The following ATG5 variants were observed in gnomAD, a reference collection of about 807,000 sequenced individuals.
ATG5 encodes autophagy related 5, also known as autophagy protein 5.
Under a neutral mutation model 36.5 loss-of-function variants are expected in ATG5, and 14 were observed. The ratio of observed to expected loss-of-function variants is 0.38; its 90% confidence interval spans 0.25 to 0.60. The LOEUF (loss-of-function observed/expected upper bound fraction) is 0.60. Ranked by LOEUF, ATG5 falls within the 20% of genes least tolerant of loss-of-function variation. The probability of loss-of-function intolerance (pLI) is 0.60; values close to 1 mark genes in which losing one functional copy is unlikely to be tolerated. For synonymous variants in ATG5, 95 were observed against 101.5 expected (o/e 0.94, Z 0.38); for missense variants, 195 against 326.7 (o/e 0.60, Z 3.11).
chr6:106,201,647 T>G (rs1562207623), intron 7 of ATG5: 1 of 159,478 alleles, frequency 6.3e-6, no homozygotes, highest in Non-Finnish European at 1.4e-5. Flanking sequence ...ATTTCTGACT[T>G]CTTTAAAGTT....
At chr6:106,282,027 G>C (rs1459072859) in intron 4 of ATG5, among the ~76,000 whole-genome samples, 1 of 152,196 alleles carries the variant, frequency 6.6e-6, no homozygotes, top group African/African-American at 2.4e-5. Flanking sequence ...AACAAGTTGA[G>C]TATAATGTGA....
At chr6:106,292,471 G>C (rs1483733636) in intron 4 of ATG5, among the ~76,000 whole-genome samples, 1 of 152,014 alleles carries the variant, frequency 6.6e-6, no homozygotes, top group Admixed American at 6.6e-5. Flanking sequence ...TCAAAACAGA[G>C]GTAGATCAAA....
At chr6:106,204,931 T>C (rs1346028305) in intron 6 of ATG5, among the ~76,000 whole-genome samples, 1 of 152,156 alleles carries the variant, frequency 6.6e-6, no homozygotes, top group Non-Finnish European at 1.5e-5. Flanking sequence ...TCATGCATAA[T>C]CAAGTGATTA....
Position 106,264,971 on chromosome 6 carries a change from G to A in ATG5, c.478+14690C>T, listed in dbSNP as rs529243171. Among the ~76,000 whole-genome samples, 4 of 152,132 alleles carry A rather than the reference G, an allele frequency of 2.6e-5. No individual in the cohort carries two copies. The East Asian group carries it at 7.7e-4, about 29-fold the overall frequency. The stretch of plus-strand genomic sequence containing the variant: ...AAACCAGCTAGTATCATGATGGCAG[G>A]ATCAAATTCACACATAACAATATTA... On this transcript the variant is annotated intron_variant, in intron 5 of 7. Coordinates refer to ENST00000369076, the MANE Select transcript of ATG5 (RefSeq NM_004849.4).
rs369075106 is a variant in ATG5 at position 106,298,476 on chromosome 6, G to A, written c.237-5370C>T. Among the ~76,000 whole-genome samples, 26 of 152,046 alleles carry A rather than the reference G, an allele frequency of 1.7e-4. No individual in the cohort carries two copies. In the East Asian group the frequency reaches 2.3e-3, roughly 14 times the overall value. On this transcript the variant is annotated intron_variant, in intron 3 of 7. Transcript: ENST00000369076. Reference sequence around the variant, plus strand: ...TGAAGTGGGAGAATTGCTTGAACCCGGGAGGCGGAGGTTGCAGTGAGCCAA... The same window carrying A: ...TGAAGTGGGAGAATTGCTTGAACCCAGGAGGCGGAGGTTGCAGTGAGCCAA...
chr6:106,255,973 G>A (rs568589075), intron 5 of ATG5, among the ~76,000 whole-genome samples: 10 of 152,148 alleles, frequency 6.6e-5, no homozygotes, highest in African/African-American at 1.9e-4. Context: ...TCTCTTGGCC[G>A]AAATTAGTTT....
intron 5 of ATG5, among the ~76,000 whole-genome samples, chr6:106,276,587 C>A (rs866938695): frequency 1.7e-4 from 26 of 152,154 alleles, no homozygotes; most frequent in Middle Eastern, 3.4e-3. Context: ...TCCTCCATAC[C>A]CAATCTTCCA....
intron 5 of ATG5, among the ~76,000 whole-genome samples, chr6:106,262,573 G>A (rs2114554943): frequency 6.6e-6 from 1 of 152,266 alleles, no homozygotes; most frequent in East Asian, 1.9e-4. Flanking sequence ...TAAGATGGCT[G>A]AATAGGAAAA....
At chr6:106,217,015 G>A (rs1356021111) in intron 6 of ATG5, among the ~76,000 whole-genome samples, 2 of 151,678 alleles carry the variant, frequency 1.3e-5, no homozygotes, top group Non-Finnish European at 2.9e-5. Context: ...TGGGATGATG[G>A]CTAACTTCAT....
chr6:106,245,443 A>C (rs146497953), intron 6 of ATG5, among the ~76,000 whole-genome samples: 28 of 152,326 alleles, frequency 1.8e-4, no homozygotes, highest in African/African-American at 6.7e-4. Flanking sequence ...GTTTGCTCAT[A>C]AATCAGGCCT....
chr6:106,259,380 A>T (rs557344515), intron 5 of ATG5, among the ~76,000 whole-genome samples: 1 of 152,352 alleles, frequency 6.6e-6, no homozygotes, highest in Non-Finnish European at 1.5e-5. Flanking sequence ...AAATAAGAAT[A>T]AAGTTATTAA....
At chr6:106,210,908 A>G (rs1214706524) in intron 6 of ATG5, among the ~76,000 whole-genome samples, 1 of 152,220 alleles carries the variant, frequency 6.6e-6, no homozygotes, top group Non-Finnish European at 1.5e-5. Context: ...GACTCTCAAC[A>G]GAACTCTACT....
intron 3 of ATG5, among the ~76,000 whole-genome samples, chr6:106,296,532 T>C (rs1036293926): frequency 5.9e-5 from 9 of 152,176 alleles, no homozygotes; most frequent in Non-Finnish European, 1.3e-4. Flanking sequence ...AAAATAAGCA[T>C]GCAGGCTGGG....
chr6:106,196,538 A>G (rs1013589077), intron 7 of ATG5, among the ~76,000 whole-genome samples: 1 of 152,198 alleles, frequency 6.6e-6, no homozygotes, highest in Non-Finnish European at 1.5e-5. Flanking sequence ...AGCCTGGCCA[A>G]CATGGTGAAA....
intron 5 of ATG5, among the ~76,000 whole-genome samples, chr6:106,252,511 C>A (rs1778632144): frequency 6.6e-6 from 1 of 151,878 alleles, no homozygotes; most frequent in Non-Finnish European, 1.5e-5. Flanking sequence ...CTCTAAAATG[C>A]ATAAGATACC....
At chr6:106,287,054 A>G (rs1463439959) in intron 4 of ATG5, among the ~76,000 whole-genome samples, 1 of 152,238 alleles carries the variant, frequency 6.6e-6, no homozygotes, top group Non-Finnish European at 1.5e-5. Flanking sequence ...ACAATAGTAG[A>G]TAACTAATAC....
At chr6:106,291,525 AC>A (rs1234109172) in intron 4 of ATG5, among the ~76,000 whole-genome samples, 1 of 152,236 alleles carries the variant, frequency 6.6e-6, no homozygotes, top group Non-Finnish European at 1.5e-5. Flanking sequence ...CAGGAACCCG[AC>A]ACACAGAAGG....
In ATG5 at chr6:106,282,262, G is replaced by A. The variant is rs79022936; in HGVS notation, c.316-2439C>T. Among the ~76,000 whole-genome samples the A allele has an allele frequency of 3.0e-3, 452 of 152,232 alleles. 10 individuals are homozygous for A. In the East Asian group the frequency reaches 0.055, roughly 18 times the overall value. On this transcript the variant is annotated intron_variant, in intron 4 of 7. Transcript: ENST00000369076. Reference sequence around the variant, plus strand: ...ATCCTCCTTTCACTTCACCTGTCACGGCGCAAGTCTTCTATGTCCATTTCT... The same window carrying A: ...ATCCTCCTTTCACTTCACCTGTCACAGCGCAAGTCTTCTATGTCCATTTCT...
intron 2 of ATG5, among the ~76,000 whole-genome samples, chr6:106,310,371 C>CT (rs1300287999): frequency 1.3e-5 from 2 of 152,048 alleles, no homozygotes; most frequent in Non-Finnish European, 2.9e-5. Flanking sequence ...AGAAATCACT[C>CT]TAAGATTTAA....
Sources: gnomAD v4.1 joint callset for allele counts (sites outside exome capture counted in the v4.1 genomes callset) on GRCh38, gnomAD v4.1.1 for gene constraint, MANE v1.5 for transcripts, NCBI Gene and HGNC (gene_info 2026-07-23, HGNC 2026-07-21) for gene names.